HCN1: variants seen among roughly 807,000 people sequenced by gnomAD.
The protein encoded by HCN1 is potassium/sodium hyperpolarization-activated cyclic nucleotide-gated channel 1.
In HCN1, 13 loss-of-function variants were observed where a neutral mutation model predicts 78.9. That is an observed-to-expected ratio of 0.16 (90% CI 0.11 to 0.26). The LOEUF (loss-of-function observed/expected upper bound fraction) is 0.26, where lower values mean the gene tolerates loss of function less well. Among genes scored for constraint, HCN1 ranks in the 10% least tolerant of loss-of-function variants. HCN1 has a pLI of 1.00. For synonymous variants in HCN1, 552 were observed against 455.5 expected (o/e 1.21, Z -2.70); for missense variants, 810 against 1,154.3 (o/e 0.70, Z 4.32).
Position 45,485,139 on chromosome 5 carries a change from C to T in HCN1, c.850-23132G>A, listed in dbSNP as rs185233946. On this transcript the variant is annotated intron_variant, in intron 2 of 7. Transcript: ENST00000303230. ...CACTTATTACATTTGCTAATGGGGG[C>T]GGAAAAACTGTTCTAGGAGAATATC... is the stretch of plus-strand genomic sequence containing the variant. Among the ~76,000 whole-genome samples, 52 of 152,140 alleles carry T rather than the reference C, an allele frequency of 3.4e-4. 1 individual carries two copies. In the East Asian group the frequency reaches 3.5e-3, roughly 10 times the overall value.
chr5:45,583,590 C>T (rs919553408), intron 2 of HCN1, among the ~76,000 whole-genome samples: 1 of 152,106 alleles, frequency 6.6e-6, no homozygotes, highest in African/African-American at 2.4e-5. Flanking sequence ...CTTGCTCTTG[C>T]TTCTCTAGTT....
intron 6 of HCN1, among the ~76,000 whole-genome samples, chr5:45,281,757 A>AT (rs539435994): frequency 4.2e-4 from 62 of 149,250 alleles, no homozygotes; most frequent in South Asian, 1.9e-3. Context: ...CCGGGGGCTA[A>AT]TTTTTTTTTG....
chr5:45,687,132 T>C (rs1387926671), intron 1 of HCN1, among the ~76,000 whole-genome samples: 3 of 152,220 alleles, frequency 2.0e-5, no homozygotes, highest in Admixed American at 1.3e-4. Flanking sequence ...AAAGTATTAT[T>C]CCCACTTCTT....
At chr5:45,664,505 A>G (rs1745993588) in intron 1 of HCN1, among the ~76,000 whole-genome samples, 1 of 151,266 alleles carries the variant, frequency 6.6e-6, no homozygotes, top group Non-Finnish European at 1.5e-5. Context: ...ATCAGAGTGA[A>G]CAAGCAACCT....
At chr5:45,406,262 A>G (rs1388553433) in intron 3 of HCN1, among the ~76,000 whole-genome samples, 2 of 152,180 alleles carry the variant, frequency 1.3e-5, no homozygotes, top group South Asian at 2.1e-4. Context: ...TAACATAAAT[A>G]AATATAAGCA....
chr5:45,649,390 T>G (rs1017285835), intron 1 of HCN1, among the ~76,000 whole-genome samples: 20 of 151,942 alleles, frequency 1.3e-4, no homozygotes, highest in Non-Finnish European at 2.9e-4. Flanking sequence ...AAAAAAAAAT[T>G]GTTACAAATG....
At chr5:45,292,228 T>A (rs1418381110) in intron 6 of HCN1, among the ~76,000 whole-genome samples, 1 of 151,992 alleles carries the variant, frequency 6.6e-6, no homozygotes, top group African/African-American at 2.4e-5. Flanking sequence ...TATCTTAATC[T>A]TACAATTGAT....
At chr5:45,690,274 T>C (rs1008555508) in intron 1 of HCN1, among the ~76,000 whole-genome samples, 1 of 152,056 alleles carries the variant, frequency 6.6e-6, no homozygotes, top group Admixed American at 6.6e-5. Flanking sequence ...ATGAGTAATG[T>C]TGCTTCCTTG....
At chr5:45,324,306 C>T (rs1035854889) in intron 5 of HCN1, among the ~76,000 whole-genome samples, 4 of 151,712 alleles carry the variant, frequency 2.6e-5, no homozygotes, top group Admixed American at 2.0e-4. Context: ...AACAAATTTA[C>T]AAGAAAAAAA....
intron 4 of HCN1, among the ~76,000 whole-genome samples, chr5:45,381,134 C>T (rs532603636): frequency 6.6e-6 from 1 of 152,194 alleles, no homozygotes; most frequent in South Asian, 2.1e-4. Context: ...TTAGCAAGTG[C>T]AATCATGAAG....
At chr5:45,419,227 T>C (rs367702342) in intron 3 of HCN1, among the ~76,000 whole-genome samples, 3 of 152,070 alleles carry the variant, frequency 2.0e-5, no homozygotes, top group African/African-American at 7.2e-5. Flanking sequence ...GAAAGCATCA[T>C]GGAAACACTG....
At chr5:45,302,576 A>G (rs1745649203) in intron 6 of HCN1, among the ~76,000 whole-genome samples, 1 of 151,896 alleles carries the variant, frequency 6.6e-6, no homozygotes, top group Non-Finnish European at 1.5e-5. Context: ...TCTTTGACCC[A>G]GTAAATCAAT....
At chr5:45,347,573 C>G (rs1356121770) in intron 5 of HCN1, among the ~76,000 whole-genome samples, 1 of 152,080 alleles carries the variant, frequency 6.6e-6, no homozygotes, top group Non-Finnish European at 1.5e-5. Flanking sequence ...CTCCGAGCTA[C>G]AGGAGGAAAT....
chr5:45,600,424 TAG>T (rs1744599521), intron 2 of HCN1, among the ~76,000 whole-genome samples: 1 of 152,210 alleles, frequency 6.6e-6, no homozygotes, highest in Non-Finnish European at 1.5e-5. Flanking sequence ...GGAAACATTG[TAG>T]AGTCATTGGA....
chr5:45,491,677 T>G (rs2111700473), intron 2 of HCN1, among the ~76,000 whole-genome samples: 1 of 152,298 alleles, frequency 6.6e-6, no homozygotes, highest in African/African-American at 2.4e-5. Context: ...CATTTTCAGT[T>G]GAATAACGTA....
intron 1 of HCN1, among the ~76,000 whole-genome samples, chr5:45,647,415 G>T (rs531611039): frequency 5.9e-5 from 9 of 152,120 alleles, no homozygotes; most frequent in Admixed American, 5.9e-4. Flanking sequence ...TTTCACTTCT[G>T]GGCACTCCTA....
At chr5:45,495,421 G>C (rs1174528182) in intron 2 of HCN1, among the ~76,000 whole-genome samples, 3 of 146,666 alleles carry the variant, frequency 2.0e-5, no homozygotes, top group Non-Finnish European at 4.5e-5. Context: ...TGGTGTATAA[G>C]AATGCTTGTG....
chr5:45,559,132 A>G (rs1385009383), intron 2 of HCN1: 1 of 151,786 alleles, frequency 6.6e-6, no homozygotes, highest in Non-Finnish European at 1.5e-5. Flanking sequence ...ACTGTTCAGA[A>G]AAAAAAGATT....
At chr5:45,453,768 G>A (rs1438781632) in intron 3 of HCN1, among the ~76,000 whole-genome samples, 1 of 151,980 alleles carries the variant, frequency 6.6e-6, no homozygotes, top group Non-Finnish European at 1.5e-5. Flanking sequence ...TTCAAAATAG[G>A]TGAGATAATG....
Sources: gnomAD v4.1 joint callset for allele counts (sites outside exome capture counted in the v4.1 genomes callset) on GRCh38, gnomAD v4.1.1 for gene constraint, MANE v1.5 for transcripts, NCBI Gene and HGNC (gene_info 2026-07-23, HGNC 2026-07-21) for gene names.